Variants in TMEM164 observed in about 807,000 individuals in gnomAD.
The protein encoded by TMEM164 is RP13-360B22.2.
A neutral mutation model predicts 18.8 loss-of-function variants in TMEM164; 4 were observed. The observed-to-expected ratio is 0.21, with a 90% CI of 0.10 to 0.49. The LOEUF (loss-of-function observed/expected upper bound fraction) is 0.49. TMEM164 is among the 20% of genes least tolerant of loss of function. TMEM164 has a pLI of 0.98. For synonymous variants in TMEM164, 86 were observed against 101.7 expected (o/e 0.85, Z 0.93); for missense variants, 108 against 239.9 (o/e 0.45, Z 3.63).
chrX:110,065,425 C>T (rs1248693370), intron 2 of TMEM164: 1 of 111,282 alleles, frequency 9.0e-6, no homozygotes, highest in Non-Finnish European at 1.9e-5. Context: ...GGTTGGGGCC[C>T]CTTCCTCTTC....
chrX:110,072,437 C>T (rs377358264), intron 3 of TMEM164, among the ~76,000 whole-genome samples: 1 of 110,543 alleles, frequency 9.0e-6, no homozygotes, highest in Non-Finnish European at 1.9e-5. Context: ...CTATTCAAAT[C>T]TTTTTGGGTC....
chrX:110,148,845 C>T (rs1329255070), intron 5 of TMEM164, among the ~76,000 whole-genome samples: 1 of 110,621 alleles, frequency 9.0e-6, no homozygotes, highest in Non-Finnish European at 1.9e-5. Flanking sequence ...ATTTTCAACC[C>T]TCTCTTCACT....
At chrX:110,028,475 A>G (rs1934305680) in intron 2 of TMEM164, among the ~76,000 whole-genome samples, 2 of 112,239 alleles carry the variant, frequency 1.8e-5, no homozygotes, top group Admixed American at 9.4e-5. Context: ...TTATTTGACT[A>G]TATGAATTAA....
chrX:110,114,309 A>C (rs1328530911), intron 4 of TMEM164, among the ~76,000 whole-genome samples: 1 of 111,723 alleles, frequency 9.0e-6, no homozygotes, highest in African/African-American at 3.3e-5. Flanking sequence ...ATCCCATGTT[A>C]ATGTCTTCCT....
At chrX:110,020,702 C>T (rs1933762834) in intron 2 of TMEM164, 1 of 752,356 alleles carries the variant, frequency 1.3e-6, no homozygotes, top group African/African-American at 2.3e-5. Flanking sequence ...TCCCTGTGGC[C>T]AGCCACCCCA....
At position 110,044,224 on chromosome X, in the gene TMEM164, A is replaced by C. The variant is rs551171026; in HGVS notation, c.391-23123A>C. On this transcript the variant is annotated intron_variant, in intron 2 of 6. Transcript: ENST00000372068. Reference sequence around the variant, plus strand: ...TAATTGAGAGATAAGACTACATATCAAATTCCTTCACATGTCTTTAGGGCT... The same window carrying C: ...TAATTGAGAGATAAGACTACATATCCAATTCCTTCACATGTCTTTAGGGCT... Among the ~76,000 whole-genome samples the C allele has an allele frequency of 4.4e-5, 5 of 112,970 alleles. No individual in the cohort carries two copies. The South Asian group carries it at 1.8e-3, about 41-fold the overall frequency.
chrX:110,100,297 T>C (rs759397127), intron 3 of TMEM164, among the ~76,000 whole-genome samples: 4 of 111,077 alleles, frequency 3.6e-5, no homozygotes, highest in Non-Finnish European at 7.6e-5. Flanking sequence ...AGTATTAGAT[T>C]AGGCATAGTA....
At position 110,004,810 on chromosome X, in the gene TMEM164, T is replaced by A. The variant is rs1210593469; in HGVS notation, c.390+646T>A. ...GCTGGTGATCACTATGGTGAGAGGG[T>A]ATTTCTTTTTTTGCAAACCTCTCCA... On this transcript the variant is annotated intron_variant, in intron 2 of 6. Transcript: ENST00000372068. Among the ~76,000 whole-genome samples the A allele has an allele frequency of 2.7e-5, 3 of 111,606 alleles. No individual in the cohort carries two copies. The Admixed American group carries it at 2.8e-4, about 11-fold the overall frequency.
chrX:110,021,790 TTTTG>T (rs1455390918), intron 2 of TMEM164, among the ~76,000 whole-genome samples: 69 of 112,466 alleles, frequency 6.1e-4, no homozygotes, highest in Middle Eastern at 4.6e-3. Context: ...GAAAGCTCCT[TTTTG>T]TTTATGTTTT....
At chrX:110,161,266 G>A (rs767682002) in intron 5 of TMEM164, among the ~76,000 whole-genome samples, 1 of 111,822 alleles carries the variant, frequency 8.9e-6, no homozygotes, top group East Asian at 2.8e-4. Context: ...TCCAGGCTGA[G>A]TTTCCTGTTT....
chrX:110,094,404 C>T (rs1465538863), intron 3 of TMEM164, among the ~76,000 whole-genome samples: 1 of 111,984 alleles, frequency 8.9e-6, no homozygotes, highest in Non-Finnish European at 1.9e-5. Flanking sequence ...ATGGTTAGCT[C>T]TTCTTGTTGA....
chrX:110,102,002 G>T (rs1207481180), intron 3 of TMEM164, among the ~76,000 whole-genome samples: 1 of 107,968 alleles, frequency 9.3e-6, no homozygotes, highest in Admixed American at 1.0e-4. Flanking sequence ...AGCTTAGATT[G>T]CTAATTTGAG....
At chrX:110,073,967 TC>T (rs1388938524) in intron 3 of TMEM164, among the ~76,000 whole-genome samples, 6 of 109,355 alleles carry the variant, frequency 5.5e-5, no homozygotes, top group Non-Finnish European at 1.1e-4. Flanking sequence ...AAACTCATCC[TC>T]CCGGGTCCAA....
chrX:110,168,099 G>T (rs1174472040), intron 5 of TMEM164, among the ~76,000 whole-genome samples: 1 of 112,359 alleles, frequency 8.9e-6, no homozygotes, highest in Non-Finnish European at 1.9e-5. Context: ...AGAGGATGGA[G>T]GGAGGGGGCA....
chrX:110,169,300 A>T, intron 5 of TMEM164, among the ~76,000 whole-genome samples: 1 of 111,624 alleles, frequency 9.0e-6, no homozygotes, highest in Middle Eastern at 4.6e-3. Flanking sequence ...CAGCCAGAAC[A>T]CTGGGAGTTT....
At chrX:110,102,254 G>A (rs2066123423) in intron 3 of TMEM164, among the ~76,000 whole-genome samples, 2 of 110,001 alleles carry the variant, frequency 1.8e-5, no homozygotes, top group Non-Finnish European at 3.8e-5. Context: ...TGAGGCAGGA[G>A]AATCACTTGA....
chrX:110,017,751 T>C (rs1933556787), intron 2 of TMEM164, among the ~76,000 whole-genome samples: 1 of 106,076 alleles, frequency 9.4e-6, no homozygotes, highest in Admixed American at 1.0e-4. Flanking sequence ...GTATTTTTAG[T>C]AGAGATGGGG....
At chrX:110,038,675 AACCTTACCTC>A (rs1934958108) in intron 2 of TMEM164, among the ~76,000 whole-genome samples, 1 of 109,207 alleles carries the variant, frequency 9.2e-6, no homozygotes, top group Non-Finnish European at 1.9e-5. Context: ...CTCCTCACCC[AACCTTACCTC>A]ACCTTACCCC....
intron 3 of TMEM164, among the ~76,000 whole-genome samples, chrX:110,078,438 T>C (rs2065704106): frequency 1.8e-5 from 2 of 112,437 alleles, no homozygotes; most frequent in African/African-American, 6.5e-5. Context: ...AGATTCTGAA[T>C]TCTGTGTATG....
Sources: gnomAD v4.1 joint callset for allele counts (sites outside exome capture counted in the v4.1 genomes callset) on GRCh38, gnomAD v4.1.1 for gene constraint, MANE v1.5 for transcripts, NCBI Gene and HGNC (gene_info 2026-07-23, HGNC 2026-07-21) for gene names.